PTPN9: variants seen among roughly 807,000 people sequenced by gnomAD.
PTPN9 encodes tyrosine-protein phosphatase non-receptor type 9.
In PTPN9, 26 loss-of-function variants were observed where a neutral mutation model predicts 69.8. The observed-to-expected ratio is 0.37, with a 90% CI of 0.27 to 0.52. PTPN9 has a LOEUF of 0.52. Ranked by LOEUF, PTPN9 falls within the 20% of genes least tolerant of loss-of-function variation. The pLI is 0.91. For missense variants in PTPN9, 549 were observed against 740.3 expected (o/e 0.74, Z 3.00); for synonymous variants, 274 against 272.5 (o/e 1.01, Z -0.05).
At chr15:75,550,357 G>T (rs1177461670) in intron 1 of PTPN9, among the ~76,000 whole-genome samples, 2 of 151,430 alleles carry the variant, frequency 1.3e-5, no homozygotes, top group South Asian at 4.2e-4. Flanking sequence ...GTAGAGACGG[G>T]GTTTCACCAT....
chr15:75,499,893 G>GGA (rs1386200221), intron 7 of PTPN9, among the ~76,000 whole-genome samples: 1 of 152,076 alleles, frequency 6.6e-6, no homozygotes, highest in East Asian at 1.9e-4. Context: ...AGACTGCAAG[G>GGA]GAGGCTGGGC....
At chr15:75,548,167 T>C (rs1312057945) in intron 1 of PTPN9, among the ~76,000 whole-genome samples, 1 of 152,166 alleles carries the variant, frequency 6.6e-6, no homozygotes, top group African/African-American at 2.4e-5. Context: ...ACAGGTTTTC[T>C]GACTCTAGAG....
At chr15:75,530,770 A>G (rs1280831145) in intron 1 of PTPN9, among the ~76,000 whole-genome samples, 6 of 79,822 alleles carry the variant, frequency 7.5e-5, no homozygotes, top group Non-Finnish European at 1.3e-4. Context: ...ATATTATTAT[A>G]ATTATTATAA....
At chr15:75,517,867 G>A (rs909324643) in intron 4 of PTPN9, among the ~76,000 whole-genome samples, 2 of 151,594 alleles carry the variant, frequency 1.3e-5, no homozygotes, top group South Asian at 2.1e-4. Context: ...CACTCATTAC[G>A]CCCAACAATC....
rs568604745 is a variant in PTPN9, at chr15:75,516,373, G to A, written c.528+886C>T. 1.9e-4 allele frequency among the ~76,000 whole-genome samples: 27 copies of A among 144,222 alleles called. No individual in the cohort carries two copies. In the South Asian group the frequency reaches 5.6e-3, roughly 30 times the overall value. The allele number at this position is 144,222 out of a possible 152,430, so 94.6% of individuals were successfully genotyped here. A position where few individuals can be genotyped will look rare whatever the true frequency, so the allele number is the denominator to read the frequency against. ...GGCTGGAGTGCAGTGGCACGATCTT[G>A]GCTCACTGCAAGCTCCGCCTCCCGG... On this transcript the variant is annotated intron_variant, in intron 5 of 12. Transcript: ENST00000618819.
chr15:75,516,064 A>G (rs906601468), intron 5 of PTPN9, among the ~76,000 whole-genome samples: 1 of 152,072 alleles, frequency 6.6e-6, no homozygotes, highest in Non-Finnish European at 1.5e-5. Flanking sequence ...ACAATGAAAA[A>G]AGGTTGAGAA....
chr15:75,556,058 A>AAG (rs1435585532), intron 1 of PTPN9, among the ~76,000 whole-genome samples: 13 of 150,364 alleles, frequency 8.6e-5, no homozygotes, highest in African/African-American at 2.0e-4. Flanking sequence ...AAAAAAAAAA[A>AAG]AGAGAGAGAG....
At chr15:75,489,150 G>T (rs954699143) in intron 8 of PTPN9, among the ~76,000 whole-genome samples, 7 of 147,820 alleles carry the variant, frequency 4.7e-5, no homozygotes, top group African/African-American at 7.6e-5. Context: ...ACTCCAGCCT[G>T]GGGGACAGAG....
intron 5 of PTPN9, among the ~76,000 whole-genome samples, chr15:75,511,343 C>G (rs1328007513): frequency 2.0e-5 from 3 of 152,138 alleles, no homozygotes; most frequent in Non-Finnish European, 4.4e-5. Flanking sequence ...CCTTGACCAC[C>G]CAGGCTCAAG....
At chr15:75,521,235 G>A (rs1312385409) in intron 4 of PTPN9, among the ~76,000 whole-genome samples, 10 of 150,920 alleles carry the variant, frequency 6.6e-5, no homozygotes, top group Non-Finnish European at 1.0e-4. Context: ...CACGAGCTCA[G>A]GTGATCGAGA....
intron 1 of PTPN9, among the ~76,000 whole-genome samples, chr15:75,531,052 C>T (rs1005251223): frequency 6.7e-6 from 1 of 148,996 alleles, no homozygotes; most frequent in African/African-American, 2.5e-5. Flanking sequence ...ATTCAAATTG[C>T]TACACACTAT....
chr15:75,481,164 C>A (rs1188217446), intron 8 of PTPN9, among the ~76,000 whole-genome samples: 1 of 77,468 alleles, frequency 1.3e-5, no homozygotes, highest in African/African-American at 5.5e-5. Context: ...CCGGCCGAGA[C>A]CCCCTCTGGG....
chr15:75,567,516 G>C (rs956742982), intron 1 of PTPN9, among the ~76,000 whole-genome samples: 1 of 152,114 alleles, frequency 6.6e-6, no homozygotes, highest in Non-Finnish European at 1.5e-5. Flanking sequence ...TAAAGTCACA[G>C]ATGACTTTTT....
At chr15:75,523,880 G>A (rs1047455199) in intron 3 of PTPN9, among the ~76,000 whole-genome samples, 3 of 151,918 alleles carry the variant, frequency 2.0e-5, no homozygotes, top group African/African-American at 7.3e-5. Context: ...ATACCAAACT[G>A]CATGGCTGTT....
chr15:75,518,355 C>T (rs1468902844), intron 4 of PTPN9, among the ~76,000 whole-genome samples: 1 of 151,198 alleles, frequency 6.6e-6, no homozygotes, highest in Non-Finnish European at 1.5e-5. Flanking sequence ...AGACTGGGCG[C>T]AGTGGCTCAC....
At chr15:75,494,286 A>T (rs2074727635) in intron 7 of PTPN9, among the ~76,000 whole-genome samples, 1 of 152,052 alleles carries the variant, frequency 6.6e-6, no homozygotes. Flanking sequence ...AGATTAAAAG[A>T]ATCTATCAAG....
chr15:75,479,716 A>C, intron 9 of PTPN9, 132 bp downstream of exon 9: 1 of 699,248 alleles, frequency 1.4e-6, no homozygotes, highest in South Asian at 2.1e-5. Flanking sequence ...ACCCATCTTT[A>C]TAAAAGGCCA....
chr15:75,511,021 A>G (rs1479774791), intron 5 of PTPN9, among the ~76,000 whole-genome samples: 1 of 152,166 alleles, frequency 6.6e-6, no homozygotes, highest in Non-Finnish European at 1.5e-5. Context: ...TTCAAGGTTA[A>G]TCCATATTGT....
intron 8 of PTPN9, among the ~76,000 whole-genome samples, chr15:75,488,393 T>C (rs1201950530): frequency 6.6e-6 from 1 of 151,678 alleles, no homozygotes; most frequent in Non-Finnish European, 1.5e-5. Flanking sequence ...TTCGGAGATA[T>C]CACCTAATAA....
Sources: allele counts gnomAD v4.1 joint callset (sites outside exome capture counted in the v4.1 genomes callset), GRCh38; gene constraint gnomAD v4.1.1; transcripts MANE v1.5; gene names NCBI Gene and HGNC (gene_info 2026-07-23, HGNC 2026-07-21).